The following NAPA variants were observed in gnomAD, a reference collection of about 807,000 sequenced individuals.
The protein encoded by NAPA is alpha-soluble NSF attachment protein.
In NAPA, 18 loss-of-function variants were observed where a neutral mutation model predicts 48.0. That is an observed-to-expected ratio of 0.38 (90% confidence interval 0.26 to 0.56). NAPA has a LOEUF of 0.56. NAPA is among the 20% of genes least tolerant of loss of function. NAPA has a pLI of 0.77. For synonymous variants in NAPA, 152 were observed against 149.9 expected (o/e 1.01, Z -0.10); for missense variants, 315 against 385.0 (o/e 0.82, Z 1.52).
intron 1 of NAPA, among the ~76,000 whole-genome samples, chr19:47,514,077 C>G (rs830137): frequency 0.85 from 129,091 of 151,382 alleles, 56,443 homozygotes; most frequent in Non-Finnish European, 0.95. Context: ...TCGAACTCCC[C>G]GCCTCAGATA....
In NAPA at chr19:47,493,009, G is replaced by GT. The variant is rs1568464645; in HGVS notation, c.512dup (p.Tyr171Ter). Residue 171 changes from tyrosine to a stop codon, truncating the protein, a stop_gained and frameshift_variant, in exon 7 of 11, where the codon TAC (tyrosine) becomes TAAC (stop). Transcript: ENST00000263354. LOFTEE classifies it high-confidence loss of function. The surrounding 1 kb of genome is among the most constrained non-coding windows in gnomAD (Gnocchi z 6.4). ...TCTGATACTGCTCCAGCAGCGCAGC[G>GT]TAACCAGCCACCTTCAGCAGACACT... ...ANKCLLKVAG[Y>*]AALLEQYQKA... 8.1e-6 allele frequency: 13 copies of GT among 1,614,166 alleles called. No homozygotes were observed. The highest frequency in any genetic ancestry group is 8.5e-6 in the Non-Finnish European group (10 of 1,180,026).
intron 4 of NAPA, among the ~76,000 whole-genome samples, chr19:47,494,424 A>G (rs1968361259): frequency 6.6e-6 from 1 of 152,128 alleles, no homozygotes; most frequent in African/African-American, 2.4e-5. Context: ...GGGCTGAGAC[A>G]GACAGGGCAA....
rs199867613 is a variant in NAPA at position 47,492,150 on chromosome 19, C to T, written c.562-31G>A. On this transcript the variant is annotated intron_variant, in intron 7 of 10. Coordinates refer to ENST00000263354, the MANE Select transcript of NAPA (RefSeq NM_003827.4). ...GCCATGGAGAAGTGGCACTGGTGAG[C>T]TCAGGGCAAGCAGCCAGAGGGCCAG... 5.0e-6 allele frequency: 8 copies of T among 1,593,516 alleles called. No homozygotes were observed. The African/African-American group carries it at 9.4e-5, about 19-fold the overall frequency.
chr19:47,513,244 C>G (rs1013120783), intron 1 of NAPA, among the ~76,000 whole-genome samples: 1 of 152,212 alleles, frequency 6.6e-6, no homozygotes, highest in Non-Finnish European at 1.5e-5. Context: ...CTCCTCTTAG[C>G]ACACTCATGT....
In NAPA at chr19:47,489,748, G is replaced by T. The variant is rs766267302; in HGVS notation, c.749C>A (p.Ala250Asp). 1 of 1,614,034 alleles carries T rather than the reference G, an allele frequency of 6.2e-7. No homozygotes were observed. The highest frequency in any genetic ancestry group is 8.5e-7 in the Non-Finnish European group (1 of 1,179,982). ...GCTGTCCACATTCTGCTCCTCGTGG[G>T]CCTCTAGCAATTTCTGCAAGCAAAT... ...ECKLMKKLLE[A>D]HEEQNVDSYT... The change falls in exon 10 of 11, where the codon GCC becomes GAC. Residue 250 changes from alanine to aspartate, a missense_variant. Physicochemically the swap from Ala to Asp is moderately radical, Grantham distance 126. Around this residue, in one of 3 missense-constraint regions of NAPA, gnomAD observed 137 missense variants for 150.1 expected, o/e 0.91. Transcript: ENST00000263354.
chr19:47,500,443 C>T (rs777565957), intron 3 of NAPA, among the ~76,000 whole-genome samples, 190 bp downstream of exon 3: 9 of 152,152 alleles, frequency 5.9e-5, no homozygotes, highest in South Asian at 2.1e-4. Context: ...GAGCAGGGCG[C>T]GAATGCCAAC....
chr19:47,500,679 G>T lies in NAPA; in HGVS notation c.249C>A (p.Thr83=). 1.2e-6 allele frequency: 2 copies of T among 1,612,160 alleles called. No homozygotes were observed. The highest frequency in any genetic ancestry group is 1.7e-6 in the Non-Finnish European group (2 of 1,179,124). The change falls in exon 3 of 11, where the codon ACC becomes ACA. Residue 83 remains threonine (T), a synonymous_variant. Transcript: ENST00000263354. ...LQLQSKHDAA[T]CFVDAGNAFK... ...ATGCGTTGCCAGCGTCCACAAAGCA[G>T]GTGGCTGCGTCGTGCTTGCTCTGGA... is the stretch of plus-strand genomic sequence containing the variant.
chr19:47,499,112 C>G (rs891932201), intron 3 of NAPA, among the ~76,000 whole-genome samples: 2 of 152,240 alleles, frequency 1.3e-5, no homozygotes, highest in African/African-American at 4.8e-5. Flanking sequence ...CATCCAGACT[C>G]CAGGCCCACA....
At chr19:47,489,836 C>G in intron 9 of NAPA, 75 bp from the exon 10 acceptor site, 1 of 1,513,096 alleles carries the variant, frequency 6.6e-7, no homozygotes, top group African/African-American at 1.4e-5. Flanking sequence ...TGAAAGGACA[C>G]GCTATCTGTA....
At chr19:47,514,159 T>C (rs861226) in intron 1 of NAPA, among the ~76,000 whole-genome samples, 129,919 of 151,800 alleles carry the variant, frequency 0.86, 56,896 homozygotes, top group Non-Finnish European at 0.95. Flanking sequence ...GGTTCCTCCG[T>C]TCAGCTGTCC....
intron 9 of NAPA, among the ~76,000 whole-genome samples, chr19:47,490,099 G>A (rs908382883): frequency 6.7e-6 from 1 of 148,188 alleles, no homozygotes; most frequent in African/African-American, 2.5e-5. Flanking sequence ...GGTGTGGTGT[G>A]TAGGGGCACG....
intron 2 of NAPA, among the ~76,000 whole-genome samples, chr19:47,500,958 G>A (rs1299904151): frequency 2.0e-5 from 3 of 152,188 alleles, no homozygotes; most frequent in African/African-American, 7.2e-5. Flanking sequence ...CTCCTGCGCT[G>A]AGGCTCCTGG....
chr19:47,484,829 C>T (rs1195918356), downstream of NAPA, among the ~76,000 whole-genome samples: 1 of 151,720 alleles, frequency 6.6e-6, no homozygotes, highest in Non-Finnish European at 1.5e-5. Flanking sequence ...CTCAGCCTCC[C>T]AGCAGCTGGG....
At chr19:47,513,184 C>T (rs1413742320) in intron 1 of NAPA, among the ~76,000 whole-genome samples, 1 of 152,188 alleles carries the variant, frequency 6.6e-6, no homozygotes, top group Non-Finnish European at 1.5e-5. Context: ...GCCTCATGCT[C>T]CTCTCAACCC....
rs376596140 is a variant in NAPA, at chr19:47,492,213, G to A, written c.562-94C>T. On this transcript the variant is annotated intron_variant, in intron 7 of 10. Coordinates refer to ENST00000263354, the MANE Select transcript of NAPA (RefSeq NM_003827.4). ...GCACTGGGGGGCCAGCTGGGAGCTG[G>A]TTCATGTCCCGAGGTGAGGCCCTGT... The A allele has an allele frequency of 9.8e-6, 11 of 1,124,856 alleles. No individual in the cohort carries two copies. In the Admixed American group the frequency reaches 9.9e-5, roughly 10 times the overall value. 69.7% of individuals were successfully genotyped at this position (1,124,856 alleles called of 1,614,324 possible). A position where few individuals can be genotyped will look rare whatever the true frequency, so the allele number is the denominator to read the frequency against.
At chr19:47,496,590 C>CTTCA (rs111652898) in intron 3 of NAPA, 3,845 of 239,486 alleles carry the variant, frequency 0.016, 124 homozygotes, top group African/African-American at 0.082. Context: ...GGGCTCTGAG[C>CTTCA]TTCAGCCTGG....
At chr19:47,500,773 C>T (rs1968557243) in intron 2 of NAPA, 24 bp from the exon 3 acceptor site, 27 of 1,563,954 alleles carry the variant, frequency 1.7e-5, no homozygotes, top group Non-Finnish European at 2.3e-5. Flanking sequence ...GAAGGGCAGT[C>T]CTGGCCTCAG....
chr19:47,492,921 A>G (rs751164461), intron 7 of NAPA, 40 bp downstream of exon 7: 2 of 1,595,120 alleles, frequency 1.3e-6, no homozygotes, highest in South Asian at 2.2e-5. Context: ...AGGCCCTGAG[A>G]GGGGGCAGGG....
chr19:47,484,816 T>C (rs1263865698), downstream of NAPA, among the ~76,000 whole-genome samples: 1 of 151,446 alleles, frequency 6.6e-6, no homozygotes, highest in Non-Finnish European at 1.5e-5. Context: ...GCGATTCTCC[T>C]GCCTCAGCCT....
Sources: allele counts gnomAD v4.1 joint callset (sites outside exome capture counted in the v4.1 genomes callset), GRCh38; gene constraint gnomAD v4.1.1; regional missense constraint gnomAD v4.1.1; non-coding constraint Gnocchi (gnomAD v3.1); transcripts MANE v1.5; gene names NCBI Gene and HGNC (gene_info 2026-07-23, HGNC 2026-07-21).